The following SLC2A5 variants were observed in gnomAD, a reference collection of about 807,000 sequenced individuals.
SLC2A5 encodes solute carrier family 2 member 5.
SLC2A5 carries 56 observed loss-of-function variants against 50.3 expected under a neutral mutation model. The ratio of observed to expected loss-of-function variants is 1.11; its 90% CI spans 0.90 to 1.39. SLC2A5 has a LOEUF of 1.39. Ranked by LOEUF, SLC2A5 falls within the 40% of genes most tolerant of loss-of-function variation. The pLI, the probability that SLC2A5 is intolerant of heterozygous loss-of-function variation, is 0.00. For missense variants in SLC2A5, 566 were observed against 650.1 expected (o/e 0.87, Z 1.41); for synonymous variants, 269 against 281.9 (o/e 0.95, Z 0.46).
In SLC2A5 at chr1:9,039,980, C is replaced by G. The variant is rs1641256225; in HGVS notation, c.705G>C (p.Gln235His). The G allele has an allele frequency of 4.3e-6, 7 of 1,609,210 alleles. No individual in the cohort carries two copies. In the East Asian group the frequency reaches 1.6e-4, roughly 36 times the overall value. The change falls in exon 7 of 12, where the codon CAG (glutamine) becomes CAC (histidine). Residue 235 changes from glutamine (Q) to histidine (H), a missense_variant. Transcript: ENST00000377424. ...CCACAGAGTCCCAGCCGCGCAGCGTCTGTAGGGCTGGGGAGAAGCGGCACC... is the reference window on the plus strand; with the variant it reads ...CCACAGAGTCCCAGCCGCGCAGCGTGTGTAGGGCTGGGGAGAAGCGGCACC... ...KDEAAAKKALQTLRGWDSVDR... is the reference protein window; with the variant it reads ...KDEAAAKKALHTLRGWDSVDR...
At position 9,059,536 on chromosome 1, in the gene SLC2A5, C is replaced by CTTTTTTTTTTTTTTTTTTTTTTTTTT; in HGVS notation, c.34-1287_34-1286insAAAAAAAAAAAAAAAAAAAAAAAAAA. ...CACGGTATCTAAATCTACAGAGAAT[C>CTTTTTTTTTTTTTTTTTTTTTTTTTT]TTTTTTTTTTTTTTTTTTCTGAGAC... On this transcript the variant is annotated intron_variant, in intron 1 of 11. Coordinates refer to ENST00000377424, the MANE Select transcript of SLC2A5 (RefSeq NM_003039.3). Among the ~76,000 whole-genome samples the CTTTTTTTTTTTTTTTTTTTTTTTTTT allele has an allele frequency of 2.0e-5, 2 of 98,410 alleles. 1 individual carries two copies. Among genetic ancestry groups the CTTTTTTTTTTTTTTTTTTTTTTTTTT allele is most frequent in the African/African-American group, 9.2e-5 (2 of 21,674 alleles). 64.6% of individuals were successfully genotyped at this position (98,410 alleles called of 152,430 possible).
chr1:9,063,221 A>G (rs918618075), intron 1 of SLC2A5, among the ~76,000 whole-genome samples: 15 of 152,140 alleles, frequency 9.9e-5, no homozygotes, highest in African/African-American at 2.9e-4. Flanking sequence ...ATACTTTTAT[A>G]TATTAATATG....
At chr1:9,073,883 C>A (rs1557683699), upstream of SLC2A5, among the ~76,000 whole-genome samples, 1 of 152,168 alleles carries the variant, frequency 6.6e-6, no homozygotes, top group Non-Finnish European at 1.5e-5. Context: ...AATTCAAGAC[C>A]AGACTGGCCA....
At chr1:9,064,576 A>G (rs988602161) in intron 1 of SLC2A5, among the ~76,000 whole-genome samples, 2 of 152,126 alleles carry the variant, frequency 1.3e-5, no homozygotes, top group Non-Finnish European at 2.9e-5. Flanking sequence ...TTTTTGGGGG[A>G]TGTGTACCCC....
intron 3 of SLC2A5, among the ~76,000 whole-genome samples, chr1:9,049,595 C>T (rs573036770): frequency 2.6e-5 from 4 of 151,672 alleles, no homozygotes; most frequent in South Asian, 2.1e-4. Context: ...CCCAGCTACT[C>T]GGGAGGCTGA....
At chr1:9,082,850 C>G in intron 2 of SLC2A5, 1 of 363,156 alleles carries the variant, frequency 2.8e-6, no homozygotes, top group Non-Finnish European at 5.2e-6. Flanking sequence ...AGCAGCAGTT[C>G]GATGATCATG....
chr1:9,069,237 T>C (rs892257518), intron 1 of SLC2A5, among the ~76,000 whole-genome samples: 1 of 152,238 alleles, frequency 6.6e-6, no homozygotes. Context: ...AATGAATCCT[T>C]TGGGTCTCTT....
At chr1:9,078,496 T>C (rs919197782) in intron 2 of SLC2A5, among the ~76,000 whole-genome samples, 3 of 152,174 alleles carry the variant, frequency 2.0e-5, no homozygotes, top group African/African-American at 7.2e-5. Context: ...GGGTACAGTG[T>C]ACAGCGCTTG....
At chr1:9,057,680 G>A (rs1436846009) in intron 2 of SLC2A5, 72 bp from the exon 3 acceptor site, 4 of 1,351,180 alleles carry the variant, frequency 3.0e-6, no homozygotes, top group Admixed American at 3.7e-5. Flanking sequence ...TAGCTGTTAG[G>A]ACACCCAATG....
At chr1:9,047,459 A>G (rs919761624) in intron 4 of SLC2A5, 151 bp downstream of exon 4, 3 of 694,976 alleles carry the variant, frequency 4.3e-6, no homozygotes, top group African/African-American at 3.7e-5. Context: ...CCTGAGAACC[A>G]GGTAGGGCTC....
chr1:9,039,797 T>C lies in SLC2A5; in HGVS notation c.885+3A>G, dbSNP rs1641247947. 2 of 1,560,790 alleles carry C rather than the reference T, an allele frequency of 1.3e-6. No homozygotes were observed. Among genetic ancestry groups the C allele is most frequent in the Admixed American group, 1.8e-5 (1 of 54,188 alleles). ...AGCTCCCGAGCCGCAGCCCGGCCCA[T>C]ACAGCGTTGACGCCCGACAGCTGCT... On this transcript the variant is annotated splice_donor_region_variant and intron_variant, in intron 7 of 11. Coordinates refer to ENST00000377424, the MANE Select transcript of SLC2A5 (RefSeq NM_003039.3).
In SLC2A5 at chr1:9,037,447, T is replaced by G; in HGVS notation, c.*139A>C. 1.4e-6 allele frequency: 1 copy of G among 713,664 alleles called. No homozygotes were observed. The highest frequency in any genetic ancestry group is 1.7e-5 in the South Asian group (1 of 57,974). 44.2% of individuals were successfully genotyped at this position (713,664 alleles called of 1,614,324 possible). A position where few individuals can be genotyped will look rare whatever the true frequency, so the allele number is the denominator to read the frequency against. On this transcript the variant is annotated 3_prime_UTR_variant, in exon 12 of 12. Transcript: ENST00000377424. ...GCCCTTTGCACAGTTCCCACTGGGG[T>G]GGGGAGGCTGGAGATGAGGACTGCA...
intron 3 of SLC2A5, among the ~76,000 whole-genome samples, chr1:9,051,281 GAAAC>G (rs200105298): frequency 0.015 from 2,293 of 152,016 alleles, 24 homozygotes; most frequent in Admixed American, 0.024. Context: ...AAGAAAGAAA[GAAAC>G]AAACAAACAA....
Position 9,040,801 on chromosome 1 carries a change from C to G in SLC2A5, c.572-612G>C, listed in dbSNP as rs1468887350. 1 of 153,092 alleles carries G rather than the reference C, an allele frequency of 6.5e-6. No individual in the cohort carries two copies. The highest frequency in any genetic ancestry group is 1.9e-4 in the East Asian group (1 of 5,204). The allele number at this position is 153,092 out of a possible 1,614,324, so 9.5% of individuals were successfully genotyped here. A position where few individuals can be genotyped will look rare whatever the true frequency, so the allele number is the denominator to read the frequency against. ...AGACAGGAACCTGGCTTATTCACTT[C>G]TGGTCCCAGCTCCTAATGAGAACGC... On this transcript the variant is annotated intron_variant, in intron 5 of 11. Transcript: ENST00000377424. The surrounding 1 kb of genome is among the most constrained non-coding windows in gnomAD (Gnocchi z 4.3).
Position 9,039,664 on chromosome 1 carries a change from T to C in SLC2A5, c.886-2A>G, listed in dbSNP as rs1312561993. ...GATCTGGTCCGCGTAGTAGTAGATC[T>C]GCAAGGCAAGCGCGGGGCTGGGCGG... is the stretch of plus-strand genomic sequence containing the variant. On this transcript the variant is annotated splice_acceptor_variant, in intron 7 of 11. Transcript: ENST00000377424. LOFTEE classifies it high-confidence loss of function. 2 of 1,534,054 alleles carry C rather than the reference T, an allele frequency of 1.3e-6. No individual in the cohort carries two copies. Among genetic ancestry groups the C allele is most frequent in the Non-Finnish European group, 1.8e-6 (2 of 1,140,106 alleles).
intron 8 of SLC2A5, 149 bp downstream of exon 8, chr1:9,039,403 C>T (rs1328028466): frequency 6.6e-6 from 4 of 601,748 alleles, no homozygotes; most frequent in African/African-American, 3.9e-5. Flanking sequence ...GGGGCTGGTG[C>T]GGGGCCACCT....
rs533848040 is a variant in SLC2A5 at position 9,037,426 on chromosome 1, T to A, written c.*160A>T. On this transcript the variant is annotated 3_prime_UTR_variant, in exon 12 of 12. Coordinates refer to ENST00000377424, the MANE Select transcript of SLC2A5 (RefSeq NM_003039.3). ...AGCTTCAAGAACAGCAAGGCAGCCC[T>A]TTGCACAGTTCCCACTGGGGTGGGG... The A allele has an allele frequency of 1.5e-5, 10 of 649,978 alleles. 1 individual carries two copies. In the East Asian group the frequency reaches 2.7e-4, roughly 17 times the overall value. The allele number at this position is 649,978 out of a possible 1,614,324, so 40.3% of individuals were successfully genotyped here. A position where few individuals can be genotyped will look rare whatever the true frequency, so the allele number is the denominator to read the frequency against.
At chr1:9,075,006 G>C (rs1642264255) in intron 2 of SLC2A5, among the ~76,000 whole-genome samples, 1 of 151,360 alleles carries the variant, frequency 6.6e-6, no homozygotes, top group Non-Finnish European at 1.5e-5. Flanking sequence ...GAGCAACAGA[G>C]TGAGATCCCA....
At chr1:9,041,443 G>T (rs919941973) in intron 5 of SLC2A5, 4 of 1,275,708 alleles carry the variant, frequency 3.1e-6, no homozygotes. Flanking sequence ...TGCTGGGTCC[G>T]CCCCAAGCAC....
Sources: gnomAD v4.1 joint callset for allele counts (sites outside exome capture counted in the v4.1 genomes callset) on GRCh38, gnomAD v4.1.1 for gene constraint, Gnocchi (gnomAD v3.1) non-coding constraint, MANE v1.5 for transcripts, NCBI Gene and HGNC (gene_info 2026-07-23, HGNC 2026-07-21) for gene names.